TAFA2: variants seen among roughly 807,000 people sequenced by gnomAD.
TAFA2 encodes TAFA chemokine like family member 2.
TAFA2 carries 7 observed loss-of-function variants against 18.8 expected under a neutral mutation model. The observed-to-expected ratio is 0.37, with a 90% CI of 0.21 to 0.70. TAFA2 has a LOEUF of 0.70. Among genes scored for constraint, TAFA2 ranks in the 30% least tolerant of loss-of-function variants. The probability of loss-of-function intolerance (pLI) is 0.53; values close to 1 mark genes in which losing one functional copy is unlikely to be tolerated. For synonymous variants in TAFA2, 60 were observed against 54.2 expected (o/e 1.11, Z -0.47); for missense variants, 122 against 158.1 (o/e 0.77, Z 1.23).
At chr12:62,024,067 G>T (rs1165100212) in intron 1 of TAFA2, among the ~76,000 whole-genome samples, 1 of 152,070 alleles carries the variant, frequency 6.6e-6, no homozygotes, top group Non-Finnish European at 1.5e-5. Flanking sequence ...AACACTCTTT[G>T]TTCCTATTTC....
intron 1 of TAFA2, among the ~76,000 whole-genome samples, chr12:61,969,225 G>T (rs967080757): frequency 1.3e-5 from 2 of 151,544 alleles, no homozygotes; most frequent in African/African-American, 2.4e-5. Flanking sequence ...TTATGATTAA[G>T]AAACAAATGT....
intron 2 of TAFA2, among the ~76,000 whole-genome samples, chr12:61,797,458 G>A (rs1871233886): frequency 6.6e-6 from 1 of 152,090 alleles, no homozygotes; most frequent in South Asian, 2.1e-4. Context: ...CCCATGAGCT[G>A]CAATGGAAGT....
intron 1 of TAFA2, among the ~76,000 whole-genome samples, chr12:61,919,595 C>T (rs1288591592): frequency 6.6e-6 from 1 of 152,120 alleles, no homozygotes; most frequent in East Asian, 1.9e-4. Flanking sequence ...TAGTGTGAAA[C>T]ACTCAGATCA....
chr12:61,919,771 T>C (rs1876976827), intron 1 of TAFA2, among the ~76,000 whole-genome samples: 1 of 152,068 alleles, frequency 6.6e-6, no homozygotes, highest in Admixed American at 6.6e-5. Context: ...TGTCAATTTC[T>C]ACATTTATCT....
intron 4 of TAFA2, among the ~76,000 whole-genome samples, chr12:61,720,451 T>C (rs1410967358): frequency 6.6e-6 from 1 of 152,164 alleles, no homozygotes; most frequent in Admixed American, 6.5e-5. Context: ...TTGTGGCCAA[T>C]TATTTATTCA....
At chr12:61,740,301 G>GT (rs1407288037) in intron 4 of TAFA2, among the ~76,000 whole-genome samples, 1 of 151,946 alleles carries the variant, frequency 6.6e-6, no homozygotes, top group African/African-American at 2.4e-5. Flanking sequence ...GGACACAGGG[G>GT]TGGGGGGGAA....
chr12:61,730,487 C>A (rs1870389840), intron 4 of TAFA2, among the ~76,000 whole-genome samples: 2 of 152,032 alleles, frequency 1.3e-5, no homozygotes, highest in African/African-American at 4.8e-5. Flanking sequence ...AAGCTTACGT[C>A]TTTTGTCTTT....
chr12:61,944,218 G>A (rs1275158614), intron 1 of TAFA2, among the ~76,000 whole-genome samples: 283 of 148,958 alleles, frequency 1.9e-3, no homozygotes, highest in Non-Finnish European at 3.6e-3. Flanking sequence ...GGTACATAAC[G>A]AAATGAAGGC....
At chr12:62,084,872 A>T (rs1014389270) in intron 1 of TAFA2, among the ~76,000 whole-genome samples, 4 of 152,232 alleles carry the variant, frequency 2.6e-5, no homozygotes, top group African/African-American at 7.2e-5. Flanking sequence ...CCCAATGCTG[A>T]ATAGCATCAA....
intron 2 of TAFA2, among the ~76,000 whole-genome samples, chr12:61,833,720 T>C (rs1872805266): frequency 6.6e-6 from 1 of 152,024 alleles, no homozygotes; most frequent in African/African-American, 2.4e-5. Flanking sequence ...CAGTAATTGC[T>C]TTTGTTGTCT....
chr12:62,006,981 T>C (rs561419680), intron 1 of TAFA2, among the ~76,000 whole-genome samples: 3 of 152,342 alleles, frequency 2.0e-5, no homozygotes, highest in Non-Finnish European at 2.9e-5. Context: ...TATATTTCTT[T>C]TTATGAGGTG....
At chr12:62,237,931 A>G (rs2062845508) in intron 1 of TAFA2, among the ~76,000 whole-genome samples, 1 of 152,246 alleles carries the variant, frequency 6.6e-6, no homozygotes, top group South Asian at 2.1e-4. Context: ...GTTGCTGAAC[A>G]GCCAATCTGC....
chr12:61,981,354 C>A (rs1159935989), intron 1 of TAFA2, among the ~76,000 whole-genome samples: 1 of 152,174 alleles, frequency 6.6e-6, no homozygotes, highest in South Asian at 2.1e-4. Context: ...ACCATAAAAA[C>A]CCTAAAAGAA....
rs1389829307 is a variant in TAFA2, at chr12:61,708,833, A to G, written c.*1573T>C. ...TGGCCTTTGAATATTGTCACAAACT[A>G]ATAGACCAAAGCTCCCCAGGATATA... On this transcript the variant is annotated 3_prime_UTR_variant, in exon 5 of 5. Transcript: ENST00000416284. 1 of 152,156 alleles carries G rather than the reference A, an allele frequency of 6.6e-6. No homozygotes were observed. The highest frequency in any genetic ancestry group is 1.5e-5 in the Non-Finnish European group (1 of 68,008). 9.4% of individuals were successfully genotyped at this position (152,156 alleles called of 1,614,324 possible). A position where few individuals can be genotyped will look rare whatever the true frequency, so the allele number is the denominator to read the frequency against.
chr12:61,883,604 G>A (rs1232361031), intron 1 of TAFA2, among the ~76,000 whole-genome samples: 1 of 152,118 alleles, frequency 6.6e-6, no homozygotes, highest in African/African-American at 2.4e-5. Flanking sequence ...GTAAGAGAAT[G>A]ATGTATGAAT....
chr12:61,755,412 C>A (rs189026348), intron 2 of TAFA2, among the ~76,000 whole-genome samples: 158 of 152,210 alleles, frequency 1.0e-3, no homozygotes, highest in South Asian at 1.7e-3. Flanking sequence ...CTGAGGCCAG[C>A]CCCATTCTCA....
At chr12:62,070,378 AAG>A (rs1410731967) in intron 1 of TAFA2, 2 of 152,210 alleles carry the variant, frequency 1.3e-5, no homozygotes, top group Non-Finnish European at 2.9e-5. Flanking sequence ...TATACCAGCT[AAG>A]AGCAATAACC....
chr12:61,934,015 T>G (rs1877665504), intron 1 of TAFA2, among the ~76,000 whole-genome samples: 2 of 152,248 alleles, frequency 1.3e-5, no homozygotes, highest in Admixed American at 1.3e-4. Context: ...AAAGGTTAAG[T>G]GACTTCCCCA....
chr12:62,246,929 G>GTT (rs57765904), intron 1 of TAFA2, among the ~76,000 whole-genome samples: 6,710 of 151,006 alleles, frequency 0.044, 214 homozygotes, highest in Non-Finnish European at 0.067. Flanking sequence ...GTTTTGTTTT[G>GTT]TTTTTTTTAA....
Sources: gnomAD v4.1 joint callset for allele counts (sites outside exome capture counted in the v4.1 genomes callset) on GRCh38, gnomAD v4.1.1 for gene constraint, MANE v1.5 for transcripts, NCBI Gene and HGNC (gene_info 2026-07-23, HGNC 2026-07-21) for gene names.